PTPN12: variants seen among roughly 807,000 people sequenced by gnomAD.
PTPN12 encodes protein tyrosine phosphatase non-receptor type 12.
Under a neutral mutation model 97.6 loss-of-function variants are expected in PTPN12, and 29 were observed. That is an observed-to-expected ratio of 0.30 (90% confidence interval 0.22 to 0.41). The LOEUF is 0.41. PTPN12 is among the 10% of genes least tolerant of loss of function. PTPN12 has a pLI of 1.00. For synonymous variants in PTPN12, 327 were observed against 300.4 expected (o/e 1.09, Z -0.91); for missense variants, 819 against 926.0 (o/e 0.88, Z 1.50).
At chr7:77,635,680 A>G (rs1442451914) in intron 14 of PTPN12, 102 bp from the exon 15 acceptor site, 1 of 633,322 alleles carries the variant, frequency 1.6e-6, no homozygotes, top group African/African-American at 1.9e-5. Flanking sequence ...TGTGGAAGCG[A>G]TAGTTTCTAA....
Position 77,583,566 on chromosome 7 carries a change from G to T in PTPN12, c.297G>T (p.Gly99=), listed in dbSNP as rs536552312. ...INANFIKGVY[G]PKAYVATQGP... is the part of the protein sequence containing the mutation. Reference sequence around the variant, plus strand: ...TTAACCATTTTTAGGGCGTCTATGGGCCAAAAGCATATGTAGCAACTCAAG... The same window carrying T: ...TTAACCATTTTTAGGGCGTCTATGGTCCAAAAGCATATGTAGCAACTCAAG... The change falls in exon 4 of 18, where the codon GGG becomes GGT. Residue 99 remains glycine (G), a synonymous_variant. Coordinates refer to ENST00000248594, the MANE Select transcript of PTPN12 (RefSeq NM_002835.4). 1.2e-6 allele frequency: 2 copies of T among 1,605,672 alleles called. No individual in the cohort carries two copies. Among genetic ancestry groups the T allele is most frequent in the Non-Finnish European group, 1.7e-6 (2 of 1,176,840 alleles).
intron 1 of PTPN12, among the ~76,000 whole-genome samples, chr7:77,552,114 A>G (rs1463293236): frequency 6.6e-6 from 1 of 152,220 alleles, no homozygotes; most frequent in Admixed American, 6.5e-5. Context: ...TAGATAGAAG[A>G]TTATTAAAAT....
At chr7:77,637,857 C>CA (rs754983873) in intron 16 of PTPN12, among the ~76,000 whole-genome samples, 1,824 of 55,506 alleles carry the variant, frequency 0.033, 276 homozygotes, top group African/African-American at 0.097. Flanking sequence ...AACTCCGTCT[C>CA]AAAAAAAAAA....
intron 4 of PTPN12, 178 bp downstream of exon 4, chr7:77,583,828 T>C (rs1426283218): frequency 1.3e-5 from 6 of 464,156 alleles, no homozygotes; most frequent in Non-Finnish European, 1.9e-5. Flanking sequence ...TTTTACAAAC[T>C]AGGCTAAATA....
At chr7:77,632,139 A>T (rs566501803) in intron 13 of PTPN12, among the ~76,000 whole-genome samples, 49 of 152,242 alleles carry the variant, frequency 3.2e-4, no homozygotes, top group Non-Finnish European at 4.1e-4. Context: ...CAGGAAAGTC[A>T]TGGGAGAGAG....
chr7:77,599,611 A>G (rs1295362369), intron 7 of PTPN12, among the ~76,000 whole-genome samples: 1 of 152,080 alleles, frequency 6.6e-6, no homozygotes, highest in East Asian at 1.9e-4. Context: ...TAATTTTTTA[A>G]TCTACGGTAA....
At chr7:77,557,945 T>C (rs140818575) in intron 1 of PTPN12, among the ~76,000 whole-genome samples, 1,566 of 152,136 alleles carry the variant, frequency 0.01, 15 homozygotes, top group Admixed American at 0.024. Flanking sequence ...GCGTGGTGGC[T>C]CACACCTGTA....
intron 5 of PTPN12, 72 bp downstream of exon 5, chr7:77,585,653 C>A: frequency 7.4e-7 from 1 of 1,358,702 alleles, no homozygotes; most frequent in Non-Finnish European, 1.0e-6. Flanking sequence ...TTATTATAGT[C>A]TTAACATAAG....
At chr7:77,600,962 G>T in intron 8 of PTPN12, 156 bp downstream of exon 8, 1 of 618,100 alleles carries the variant, frequency 1.6e-6, no homozygotes, top group Non-Finnish European at 2.7e-6. Context: ...GGTCTCATTT[G>T]GTTGACAGAC....
chr7:77,609,273 C>CTCT (rs557560724), intron 9 of PTPN12, among the ~76,000 whole-genome samples: 31,785 of 126,680 alleles, frequency 0.25, 4,207 homozygotes, highest in Non-Finnish European at 0.28. Flanking sequence ...CTCTCTCTCT[C>CTCT]TTTTTTTTTT....
At chr7:77,594,080 C>T (rs1787947937) in intron 6 of PTPN12, among the ~76,000 whole-genome samples, 1 of 152,134 alleles carries the variant, frequency 6.6e-6, no homozygotes, top group Non-Finnish European at 1.5e-5. Flanking sequence ...ATAATGTTAA[C>T]TATAACTCAC....
intron 11 of PTPN12, among the ~76,000 whole-genome samples, chr7:77,616,295 T>G (rs1788748891): frequency 6.6e-6 from 1 of 152,184 alleles, no homozygotes; most frequent in African/African-American, 2.4e-5. Flanking sequence ...TAGCTTTTTT[T>G]TCTGATTTCA....
intron 12 of PTPN12, among the ~76,000 whole-genome samples, chr7:77,622,510 CT>C (rs1460524285): frequency 1.3e-5 from 2 of 152,144 alleles, no homozygotes; most frequent in African/African-American, 4.8e-5. Flanking sequence ...TGGCTCATGC[CT>C]GTAATCCCAG....
At position 77,583,551 on chromosome 7, in the gene PTPN12, T is replaced by G. The variant is rs776245246; in HGVS notation, c.286-4T>G. The G allele has an allele frequency of 6.3e-7, 1 of 1,585,864 alleles. No homozygotes were observed. The highest frequency in any genetic ancestry group is 8.6e-7 in the Non-Finnish European group (1 of 1,167,332). Reference sequence around the variant, plus strand: ...ATGTGAAATTTGCTTTTAACCATTTTTAGGGCGTCTATGGGCCAAAAGCAT... The same window carrying G: ...ATGTGAAATTTGCTTTTAACCATTTGTAGGGCGTCTATGGGCCAAAAGCAT... On this transcript the variant is annotated splice_region_variant and splice_polypyrimidine_tract_variant and intron_variant, in intron 3 of 17. Coordinates refer to ENST00000248594, the MANE Select transcript of PTPN12 (RefSeq NM_002835.4).
intron 1 of PTPN12, among the ~76,000 whole-genome samples, chr7:77,553,706 T>C (rs182102984): frequency 3.2e-4 from 49 of 152,358 alleles, no homozygotes; most frequent in Non-Finnish European, 5.9e-4. Context: ...AGACAGCATA[T>C]AGTTAGGTCT....
At chr7:77,544,776 T>C (rs1330925788) in intron 1 of PTPN12, among the ~76,000 whole-genome samples, 1 of 152,250 alleles carries the variant, frequency 6.6e-6, no homozygotes, top group African/African-American at 2.4e-5. Context: ...TTGCTTAATA[T>C]AGTGCTTGGC....
intron 11 of PTPN12, 23 bp from the exon 12 acceptor site, chr7:77,618,457 T>A: frequency 6.9e-7 from 1 of 1,450,950 alleles, no homozygotes; most frequent in Non-Finnish European, 9.5e-7. Context: ...TTAACCTTAG[T>A]GAAGTATTTT....
intron 5 of PTPN12, 22 bp downstream of exon 5, chr7:77,585,603 TAC>T: frequency 6.4e-7 from 1 of 1,565,266 alleles, no homozygotes; most frequent in Non-Finnish European, 8.8e-7. Flanking sequence ...CTATTCCTCT[TAC>T]TATTTCATTT....
At chr7:77,615,269 T>C in intron 11 of PTPN12, among the ~76,000 whole-genome samples, 1 of 152,198 alleles carries the variant, frequency 6.6e-6, no homozygotes, top group Non-Finnish European at 1.5e-5. Context: ...GGATTTTTTT[T>C]CCTAAAATAT....
Sources: allele counts gnomAD v4.1 joint callset (sites outside exome capture counted in the v4.1 genomes callset), GRCh38; gene constraint gnomAD v4.1.1; transcripts MANE v1.5; gene names NCBI Gene and HGNC (gene_info 2026-07-23, HGNC 2026-07-21).